Variants in SDK1 observed in about 807,000 individuals in gnomAD.
The protein encoded by SDK1 is protein sidekick-1.
In SDK1, 157 loss-of-function variants were observed where a neutral mutation model predicts 245.5. The ratio of observed to expected loss-of-function variants is 0.64; its 90% CI spans 0.56 to 0.73. SDK1 has a LOEUF of 0.73. SDK1 is among the 30% of genes least tolerant of loss of function. SDK1 has a pLI of 0.00. For missense variants in SDK1, 3,583 were observed against 3,002.3 expected, an observed-to-expected ratio of 1.19 and a Z score of -4.52; for synonymous variants, 1,647 against 1,278.5, an observed-to-expected ratio of 1.29 and a Z score of -6.15.
chr7:4,235,302 T>G (rs28641475), intron 41 of SDK1, among the ~76,000 whole-genome samples: 3,613 of 152,272 alleles, frequency 0.024, 149 homozygotes, highest in African/African-American at 0.078. Context: ...CAGCTGAGAT[T>G]ACAAGCATGT....
At chr7:3,329,248 T>C (rs926342768) in intron 1 of SDK1, among the ~76,000 whole-genome samples, 2 of 152,192 alleles carry the variant, frequency 1.3e-5, no homozygotes, top group African/African-American at 4.8e-5. Flanking sequence ...CTAAACCACG[T>C]CCATGAGGCA....
intron 4 of SDK1, among the ~76,000 whole-genome samples, chr7:3,660,811 A>G (rs980653143): frequency 6.6e-6 from 1 of 152,194 alleles, no homozygotes; most frequent in Non-Finnish European, 1.5e-5. Flanking sequence ...CATCCTTAGA[A>G]CTTATTTATC....
At chr7:3,552,258 C>T (rs1261524304) in intron 1 of SDK1, among the ~76,000 whole-genome samples, 6 of 152,166 alleles carry the variant, frequency 3.9e-5, no homozygotes, top group East Asian at 3.9e-4. Flanking sequence ...AGGATGGTCT[C>T]GATCGATCTC....
chr7:3,706,777 A>G (rs1784903769), intron 4 of SDK1, among the ~76,000 whole-genome samples: 1 of 152,088 alleles, frequency 6.6e-6, no homozygotes, highest in Admixed American at 6.5e-5. Context: ...TTTCTTCTTG[A>G]TTTAATCAAG....
At chr7:4,187,119 G>C (rs1782941729) in intron 35 of SDK1, among the ~76,000 whole-genome samples, 1 of 152,176 alleles carries the variant, frequency 6.6e-6, no homozygotes, top group African/African-American at 2.4e-5. Flanking sequence ...GAGGGACTGT[G>C]AGAGAGGACA....
At chr7:3,573,729 C>T (rs1363132901) in intron 1 of SDK1, among the ~76,000 whole-genome samples, 2 of 152,000 alleles carry the variant, frequency 1.3e-5, no homozygotes, top group African/African-American at 4.8e-5. Flanking sequence ...TTTCTGGGAG[C>T]CAGGCTGCGT....
intron 40 of SDK1, among the ~76,000 whole-genome samples, chr7:4,221,698 T>C (rs1016212594): frequency 3.3e-5 from 5 of 152,228 alleles, no homozygotes; most frequent in African/African-American, 1.2e-4. Flanking sequence ...ATGAATGTTT[T>C]CAGGGACTCA....
chr7:3,557,711 G>GTA (rs1187759237), intron 1 of SDK1, among the ~76,000 whole-genome samples: 2 of 152,112 alleles, frequency 1.3e-5, no homozygotes, highest in African/African-American at 4.8e-5. Context: ...GAATCTCTTT[G>GTA]TATTACATCC....
chr7:3,833,578 G>A (rs1330409883), intron 5 of SDK1, among the ~76,000 whole-genome samples: 1 of 152,170 alleles, frequency 6.6e-6, no homozygotes, highest in East Asian at 1.9e-4. Flanking sequence ...TCAGAATGAT[G>A]TAGGAATAGA....
chr7:3,575,796 C>T (rs368219658), intron 1 of SDK1, among the ~76,000 whole-genome samples: 20 of 152,072 alleles, frequency 1.3e-4, no homozygotes, highest in Middle Eastern at 3.4e-3. Context: ...GTCATTGAAA[C>T]GCAAAACACA....
At chr7:4,013,353 A>G (rs779745724) in intron 16 of SDK1, among the ~76,000 whole-genome samples, 6 of 152,218 alleles carry the variant, frequency 3.9e-5, no homozygotes, top group Non-Finnish European at 8.8e-5. Context: ...TAATTATTAA[A>G]TCTCTTCTAA....
chr7:4,097,301 C>T (rs904679262), intron 22 of SDK1, among the ~76,000 whole-genome samples: 1 of 152,246 alleles, frequency 6.6e-6, no homozygotes, highest in African/African-American at 2.4e-5. Flanking sequence ...GTGTTTGGTA[C>T]AGTAACGTCC....
At chr7:4,053,531 G>A (rs547704021) in intron 19 of SDK1, among the ~76,000 whole-genome samples, 22 of 151,966 alleles carry the variant, frequency 1.4e-4, no homozygotes, top group Non-Finnish European at 2.6e-4. Context: ...ACTCAAAATC[G>A]GCAGCTCCCT....
At chr7:3,304,085 C>T (rs114109703) in intron 1 of SDK1, among the ~76,000 whole-genome samples, 3 of 152,318 alleles carry the variant, frequency 2.0e-5, no homozygotes, top group African/African-American at 4.8e-5. Context: ...GTAAAAGTTA[C>T]ATTTTTATAA....
At chr7:3,412,662 C>A (rs1417743524) in intron 1 of SDK1, among the ~76,000 whole-genome samples, 2 of 152,122 alleles carry the variant, frequency 1.3e-5, no homozygotes, top group Non-Finnish European at 1.5e-5. Context: ...AAGGCAGGGG[C>A]AGTTACGATT....
intron 1 of SDK1, among the ~76,000 whole-genome samples, chr7:3,618,190 A>G (rs1399097153): frequency 1.3e-5 from 2 of 152,190 alleles, no homozygotes; most frequent in East Asian, 3.8e-4. Context: ...AAACATTGAC[A>G]AATCATATCT....
At chr7:4,264,417 G>C (rs112751151) in intron 44 of SDK1, among the ~76,000 whole-genome samples, 10 of 128,610 alleles carry the variant, frequency 7.8e-5, no homozygotes, top group African/African-American at 3.4e-4. Flanking sequence ...AAGGAAGGCC[G>C]CGTGGACCTC....
At chr7:3,695,519 C>T (rs914984303) in intron 4 of SDK1, among the ~76,000 whole-genome samples, 2 of 152,136 alleles carry the variant, frequency 1.3e-5, no homozygotes, top group African/African-American at 4.8e-5. Flanking sequence ...CAGATTATAT[C>T]ATAGGTGTTT....
At chr7:4,055,993 C>T (rs542253191) in intron 19 of SDK1, among the ~76,000 whole-genome samples, 2 of 152,148 alleles carry the variant, frequency 1.3e-5, no homozygotes, top group African/African-American at 4.8e-5. Context: ...AGAGAACACA[C>T]TTCATATAAT....
Sources: allele counts gnomAD v4.1 joint callset (sites outside exome capture counted in the v4.1 genomes callset), GRCh38; gene constraint gnomAD v4.1.1; transcripts MANE v1.5; gene names NCBI Gene and HGNC (gene_info 2026-07-23, HGNC 2026-07-21).